The following GALNTL6 variants were observed in gnomAD, a reference collection of about 807,000 sequenced individuals.
GALNTL6 encodes the protein polypeptide N-acetylgalactosaminyltransferase-like 6.
Under a neutral mutation model 73.7 loss-of-function variants are expected in GALNTL6, and 46 were observed. That is an observed-to-expected ratio of 0.62 (90% CI 0.49 to 0.80). The LOEUF is 0.80. GALNTL6 is among the 30% of genes least tolerant of loss of function. The pLI is 0.00. For synonymous variants in GALNTL6, 259 were observed against 263.7 expected, an observed-to-expected ratio of 0.98 and a Z score of 0.17; for missense variants, 604 against 755.0, an observed-to-expected ratio of 0.80 and a Z score of 2.34.
intron 2 of GALNTL6, among the ~76,000 whole-genome samples, chr4:172,005,817 T>C (rs1266427513): frequency 6.6e-6 from 1 of 152,096 alleles, no homozygotes; most frequent in African/African-American, 2.4e-5. Flanking sequence ...ATAAATTATA[T>C]CCCTATTGAT....
In GALNTL6 at chr4:172,406,901, C is replaced by T. The variant is rs756121362; in HGVS notation, c.553+58212C>T. On this transcript the variant is annotated intron_variant, in intron 5 of 12. Transcript: ENST00000506823. ...TGAGAACCAAATATTAAATAGCTTT[C>T]GTGTCTTTAAATGTGAATTAACGTC... 1.3e-3 allele frequency among the ~76,000 whole-genome samples: 200 copies of T among 152,006 alleles called. 1 individual carries two copies. Among genetic ancestry groups the T allele is most frequent in the Non-Finnish European group, 3.8e-4 (26 of 67,922 alleles).
chr4:172,088,045 A>T (rs1031708308), intron 2 of GALNTL6, among the ~76,000 whole-genome samples: 1 of 152,198 alleles, frequency 6.6e-6, no homozygotes, highest in Non-Finnish European at 1.5e-5. Flanking sequence ...AGAACAAAGT[A>T]GTTACTGGTT....
intron 5 of GALNTL6, among the ~76,000 whole-genome samples, chr4:172,770,434 T>C (rs1178908463): frequency 1.3e-5 from 2 of 152,124 alleles, no homozygotes; most frequent in African/African-American, 4.8e-5. Flanking sequence ...AGCAAAAAAG[T>C]CTAAGTGTAC....
intron 2 of GALNTL6, among the ~76,000 whole-genome samples, chr4:172,156,292 G>A (rs1001180703): frequency 1.3e-5 from 2 of 151,972 alleles, no homozygotes; most frequent in Non-Finnish European, 2.9e-5. Flanking sequence ...TTGAGCCTTG[G>A]GGCTGGGCCT....
intron 2 of GALNTL6, among the ~76,000 whole-genome samples, chr4:172,028,756 A>G (rs1360363082): frequency 6.6e-6 from 1 of 152,010 alleles, no homozygotes; most frequent in African/African-American, 2.4e-5. Context: ...GTGTGTTTAT[A>G]TTTTTCACTG....
chr4:171,946,639 T>C (rs1738710381), intron 2 of GALNTL6, among the ~76,000 whole-genome samples: 1 of 152,068 alleles, frequency 6.6e-6, no homozygotes, highest in Non-Finnish European at 1.5e-5. Context: ...TGATACATGT[T>C]ATGAAGAGAA....
chr4:172,219,226 C>A (rs1206364096), intron 2 of GALNTL6, among the ~76,000 whole-genome samples: 1 of 67,808 alleles, frequency 1.5e-5, no homozygotes, highest in African/African-American at 6.3e-5. Flanking sequence ...TATATATAAT[C>A]CTTCTGTTCT....
At chr4:173,024,930 T>C (rs1198710943) in intron 12 of GALNTL6, among the ~76,000 whole-genome samples, 1 of 152,130 alleles carries the variant, frequency 6.6e-6, no homozygotes, top group Non-Finnish European at 1.5e-5. Context: ...AAGATCAATA[T>C]TTCCTAGGAG....
At chr4:172,810,089 GCAC>G (rs111750988) in intron 6 of GALNTL6, among the ~76,000 whole-genome samples, 1,829 of 152,126 alleles carry the variant, frequency 0.012, 33 homozygotes, top group African/African-American at 0.04. Context: ...TCCACTTCTG[GCAC>G]CATCCTATAG....
chr4:172,436,567 A>C (rs1350335560), intron 5 of GALNTL6, among the ~76,000 whole-genome samples: 1 of 152,150 alleles, frequency 6.6e-6, no homozygotes, highest in East Asian at 1.9e-4. Flanking sequence ...TAATTGGAGA[A>C]AATTGTTGAA....
chr4:172,855,052 C>T (rs985010249), intron 7 of GALNTL6, among the ~76,000 whole-genome samples: 1 of 152,076 alleles, frequency 6.6e-6, no homozygotes, highest in African/African-American at 2.4e-5. Context: ...CTTTCTTCTA[C>T]AGACAGAATT....
intron 9 of GALNTL6, among the ~76,000 whole-genome samples, chr4:172,935,037 G>A (rs1316653528): frequency 6.6e-6 from 1 of 152,210 alleles, no homozygotes; most frequent in Non-Finnish European, 1.5e-5. Flanking sequence ...TGTAACAGCA[G>A]GGACATGTCA....
At chr4:171,944,955 T>C (rs970251540) in intron 2 of GALNTL6, among the ~76,000 whole-genome samples, 5 of 152,074 alleles carry the variant, frequency 3.3e-5, no homozygotes, top group African/African-American at 1.2e-4. Context: ...CTCTAAGTTC[T>C]GTTCTTTTTC....
intron 5 of GALNTL6, among the ~76,000 whole-genome samples, chr4:172,450,130 T>G (rs557649387): frequency 1.4e-3 from 216 of 151,886 alleles, no homozygotes; most frequent in Non-Finnish European, 2.1e-3. Flanking sequence ...GGCAGGAGAA[T>G]TGCTTGAACC....
intron 5 of GALNTL6, among the ~76,000 whole-genome samples, chr4:172,460,276 A>C (rs1457132680): frequency 6.6e-6 from 1 of 152,210 alleles, no homozygotes; most frequent in African/African-American, 2.4e-5. Flanking sequence ...CCTTGAAGAA[A>C]ACCTAGGCAA....
At chr4:172,206,814 GTTTGT>G (rs1328487061) in intron 2 of GALNTL6, among the ~76,000 whole-genome samples, 5 of 57,964 alleles carry the variant, frequency 8.6e-5, no homozygotes, top group Admixed American at 2.4e-4. Flanking sequence ...TGTTTTTTTT[GTTTGT>G]TTTTTTTTTT....
intron 4 of GALNTL6, among the ~76,000 whole-genome samples, chr4:172,332,580 T>C (rs1448817404): frequency 1.3e-5 from 2 of 152,120 alleles, no homozygotes; most frequent in Non-Finnish European, 2.9e-5. Flanking sequence ...TCTACCTTAT[T>C]TTAATTAAGA....
intron 5 of GALNTL6, among the ~76,000 whole-genome samples, chr4:172,747,652 A>G (rs1007628370): frequency 1.3e-5 from 2 of 152,290 alleles, no homozygotes; most frequent in African/African-American, 4.8e-5. Context: ...ATGATCCAGC[A>G]ATCTCATTAC....
At chr4:171,927,435 G>GT (rs1357155676) in intron 2 of GALNTL6, among the ~76,000 whole-genome samples, 10 of 151,782 alleles carry the variant, frequency 6.6e-5, no homozygotes, top group African/African-American at 2.4e-4. Context: ...TAGATTTTGT[G>GT]TTTTTCAATA....
Sources: gnomAD v4.1 joint callset for allele counts (sites outside exome capture counted in the v4.1 genomes callset) on GRCh38, gnomAD v4.1.1 for gene constraint, MANE v1.5 for transcripts, NCBI Gene and HGNC (gene_info 2026-07-23, HGNC 2026-07-21) for gene names.